TENM3: variants seen among roughly 807,000 people sequenced by gnomAD.
The protein encoded by TENM3 is teneurin transmembrane protein 3, also known as teneurin-3.
A neutral mutation model predicts 255.1 loss-of-function variants in TENM3; 63 were observed. The ratio of observed to expected loss-of-function variants is 0.25; its 90% confidence interval spans 0.20 to 0.30. The LOEUF is 0.30. Ranked by LOEUF, TENM3 falls within the 10% of genes least tolerant of loss-of-function variation. The pLI, the probability that TENM3 is intolerant of heterozygous loss-of-function variation, is 1.00. For missense variants in TENM3, 2,929 were observed against 3,461.1 expected (o/e 0.85, Z 3.86); for synonymous variants, 1,306 against 1,322.3 (o/e 0.99, Z 0.27).
At chr4:182,069,426 G>A in the TENM3 span, among the ~76,000 whole-genome samples, 1 of 152,102 alleles carries the variant, frequency 6.6e-6, no homozygotes, top group Non-Finnish European at 1.5e-5. Flanking sequence ...TGAGCAGGAA[G>A]GACTTGATCA....
chr4:182,093,293 C>T, the TENM3 span, among the ~76,000 whole-genome samples: 10 of 152,114 alleles, frequency 6.6e-5, no homozygotes, highest in Admixed American at 3.9e-4. Flanking sequence ...ATTATTGAGA[C>T]GGGAAGTTTA....
At chr4:181,905,545 T>G in the TENM3 span, among the ~76,000 whole-genome samples, 1 of 152,068 alleles carries the variant, frequency 6.6e-6, no homozygotes, top group African/African-American at 2.4e-5. Flanking sequence ...TTTTTTTTTT[T>G]TTTTTCTGGC....
At chr4:182,524,946 C>T (rs948470206) in intron 3 of TENM3, among the ~76,000 whole-genome samples, 5 of 152,052 alleles carry the variant, frequency 3.3e-5, no homozygotes, top group African/African-American at 7.2e-5. Context: ...GGAAGGATTG[C>T]TTGAACCCAA....
intron 1 of TENM3, among the ~76,000 whole-genome samples, chr4:182,172,188 TTG>T (rs1317528645): frequency 1.3e-5 from 2 of 152,158 alleles, no homozygotes; most frequent in East Asian, 3.8e-4. Context: ...AAATTTGAAT[TTG>T]TATTTACTAA....
chr4:181,594,872 A>G, the TENM3 span, among the ~76,000 whole-genome samples: 1 of 152,214 alleles, frequency 6.6e-6, no homozygotes, highest in Non-Finnish European at 1.5e-5. Context: ...TATTTATCAC[A>G]GAAACTTGTC....
At chr4:182,666,683 G>A (rs1266721000) in intron 6 of TENM3, among the ~76,000 whole-genome samples, 2 of 152,130 alleles carry the variant, frequency 1.3e-5, no homozygotes, top group Non-Finnish European at 2.9e-5. Flanking sequence ...GATCGCTTGA[G>A]TCCAAGAGTT....
chr4:181,970,762 G>A, the TENM3 span, among the ~76,000 whole-genome samples: 1 of 152,160 alleles, frequency 6.6e-6, no homozygotes, highest in South Asian at 2.1e-4. Context: ...TGGTATGACA[G>A]CAAGCCTTGG....
intron 1 of TENM3, among the ~76,000 whole-genome samples, chr4:182,303,595 G>C (rs1761966263): frequency 6.6e-6 from 1 of 152,182 alleles, no homozygotes; most frequent in Non-Finnish European, 1.5e-5. Context: ...ATCTGGTTTT[G>C]AGCCGTAGCT....
At chr4:181,654,244 AAAAAG>A in the TENM3 span, among the ~76,000 whole-genome samples, 1 of 151,938 alleles carries the variant, frequency 6.6e-6, no homozygotes, top group African/African-American at 2.4e-5. Context: ...AAAAAAAAAA[AAAAAG>A]AAGTCCAAAC....
the TENM3 span, among the ~76,000 whole-genome samples, chr4:181,892,285 T>C: frequency 6.6e-6 from 1 of 152,302 alleles, no homozygotes; most frequent in East Asian, 1.9e-4. Context: ...TCCTAGTATA[T>C]ATGCTTCGCA....
intron 3 of TENM3, among the ~76,000 whole-genome samples, chr4:182,468,179 G>A (rs1452981667): frequency 6.6e-6 from 1 of 152,162 alleles, no homozygotes; most frequent in Non-Finnish European, 1.5e-5. Flanking sequence ...TTGAGCCCAG[G>A]AGTTTGAGAC....
At chr4:182,047,218 A>G in the TENM3 span, among the ~76,000 whole-genome samples, 2 of 152,178 alleles carry the variant, frequency 1.3e-5, no homozygotes, top group Admixed American at 1.3e-4. Flanking sequence ...ACTTGCTGAC[A>G]CTGGCAGGAA....
intron 12 of TENM3, among the ~76,000 whole-genome samples, chr4:182,708,753 G>A (rs953037425): frequency 2.0e-5 from 3 of 149,916 alleles, no homozygotes; most frequent in Non-Finnish European, 4.4e-5. Flanking sequence ...AGCGGAGATC[G>A]CGCCACTGTA....
rs1156623102 is a variant in TENM3 at position 182,344,759 on chromosome 4, C to A, written c.233-1892C>A. ...TTGCATCCTTATTTTGAAAAATCAG[C>A]ATGTTTGATGGCAATATCTACACGT... On this transcript the variant is annotated intron_variant, in intron 2 of 27. Coordinates refer to ENST00000511685, the MANE Select transcript of TENM3 (RefSeq NM_001080477.4). 4.6e-5 allele frequency among the ~76,000 whole-genome samples: 7 copies of A among 151,644 alleles called. No individual in the cohort carries two copies. In the South Asian group the frequency reaches 1.5e-3, roughly 32 times the overall value.
At chr4:182,003,871 G>A in the TENM3 span, among the ~76,000 whole-genome samples, 32 of 151,566 alleles carry the variant, frequency 2.1e-4, no homozygotes, top group African/African-American at 7.0e-4. Flanking sequence ...AATAAATATT[G>A]TCAATATATC....
At chr4:182,390,644 C>G (rs1580387974) in intron 3 of TENM3, among the ~76,000 whole-genome samples, 1 of 152,202 alleles carries the variant, frequency 6.6e-6, no homozygotes, top group African/African-American at 2.4e-5. Flanking sequence ...ACTACTGACA[C>G]TCTCCTACCG....
intron 1 of TENM3, among the ~76,000 whole-genome samples, chr4:182,298,238 C>T (rs775960216): frequency 2.6e-5 from 4 of 152,180 alleles, no homozygotes; most frequent in Non-Finnish European, 5.9e-5. Context: ...TCTCTGTTCC[C>T]CACCCTTCCA....
chr4:182,177,601 CAT>C lies in TENM3; in HGVS notation c.-76+32860_-76+32861del, dbSNP rs1554026612. Among the ~76,000 whole-genome samples the C allele has an allele frequency of 1.0e-4, 14 of 137,958 alleles. No homozygotes were observed. The East Asian group carries it at 1.2e-3, about 12-fold the overall frequency. 90.5% of individuals were successfully genotyped at this position (137,958 alleles called of 152,430 possible). The stretch of plus-strand genomic sequence containing the variant: ...TTAAAATGGGGACATATTTGGCATA[CAT>C]ATATATATATATTTTTTTTTTTTTT... On this transcript the variant is annotated intron_variant, in intron 1 of 2. Transcript: ENST00000512480.
At chr4:181,898,190 G>A in the TENM3 span, among the ~76,000 whole-genome samples, 2 of 152,050 alleles carry the variant, frequency 1.3e-5, no homozygotes, top group South Asian at 2.1e-4. Flanking sequence ...TACTTTAGTG[G>A]TACTTCATTG....
Sources: gnomAD v4.1 joint callset for allele counts (sites outside exome capture counted in the v4.1 genomes callset) on GRCh38, gnomAD v4.1.1 for gene constraint, MANE v1.5 for transcripts, NCBI Gene and HGNC (gene_info 2026-07-23, HGNC 2026-07-21) for gene names.